Variants in EFNA2 observed in about 807,000 individuals in gnomAD.
EFNA2 encodes ephrin A2, also known as ephrin-A2.
Under a neutral mutation model 19.7 loss-of-function variants are expected in EFNA2, and 18 were observed. The observed-to-expected ratio is 0.91, with a 90% CI of 0.63 to 1.35. The LOEUF is 1.35. EFNA2 is among the 40% of genes most tolerant of loss of function. The pLI is 0.00. For synonymous variants in EFNA2, 187 were observed against 137.8 expected, an observed-to-expected ratio of 1.36 and a Z score of -2.50; for missense variants, 303 against 296.0, an observed-to-expected ratio of 1.02 and a Z score of -0.17.
chr19:1,292,849 C>T (rs1047230674), intron 1 of EFNA2, among the ~76,000 whole-genome samples: 6 of 152,162 alleles, frequency 3.9e-5, no homozygotes, highest in African/African-American at 1.4e-4. Flanking sequence ...GGCCCGGGCA[C>T]CTGGCCGCTC....
Position 1,286,264 on chromosome 19 carries a change from C to T in EFNA2, c.96C>T (p.Ala32=). Residue 32 remains alanine, a synonymous_variant, in exon 1 of 4, where the codon GCC becomes GCT. Transcript: ENST00000215368. The surrounding 1 kb of genome is among the most constrained non-coding windows in gnomAD (Gnocchi z 5.6). ...PFARAEDAAR[A]NSDRYAVYWN... is the part of the protein sequence containing the mutation. ...CGCGCGCCGAGGACGCCGCCCGCGCCAACTCGGACCGCTACGCCGTCTACT... is the reference window on the plus strand; with the variant it reads ...CGCGCGCCGAGGACGCCGCCCGCGCTAACTCGGACCGCTACGCCGTCTACT... 1.8e-6 allele frequency: 2 copies of T among 1,120,406 alleles called. No homozygotes were observed. The highest frequency in any genetic ancestry group is 2.2e-6 in the Non-Finnish European group (2 of 903,302). The allele number at this position is 1,120,406 out of a possible 1,614,324, so 69.4% of individuals were successfully genotyped here. A position where few individuals can be genotyped will look rare whatever the true frequency, so the allele number is the denominator to read the frequency against.
chr19:1,289,249 G>A (rs2081480522), intron 1 of EFNA2, among the ~76,000 whole-genome samples: 1 of 152,270 alleles, frequency 6.6e-6, no homozygotes, highest in African/African-American at 2.4e-5. Flanking sequence ...GCGTTTGCAT[G>A]TGCGTGCCCT....
rs1051783963 is a variant in EFNA2 at position 1,286,084 on chromosome 19, TCGGCGGCGG to T, written c.-72_-64del. 2 of 347,062 alleles carry T rather than the reference TCGGCGGCGG, an allele frequency of 5.8e-6. No individual in the cohort carries two copies. The highest frequency in any genetic ancestry group is 8.0e-6 in the Non-Finnish European group (2 of 251,416). The allele number at this position is 347,062 out of a possible 1,614,324, so 21.5% of individuals were successfully genotyped here. A position where few individuals can be genotyped will look rare whatever the true frequency, so the allele number is the denominator to read the frequency against. ...TCCCGCCCGCCCTCCGCCCGCCCGC[TCGGCGGCGG>T]CGGCGGCGGCGGAGGAGGCGGAGAA... On this transcript the variant is annotated 5_prime_UTR_variant, in exon 1 of 4. Coordinates refer to ENST00000215368, the MANE Select transcript of EFNA2 (RefSeq NM_001405.4). The surrounding 1 kb of genome is among the most constrained non-coding windows in gnomAD (Gnocchi z 5.6).
chr19:1,299,859 A>G lies in EFNA2; in HGVS notation c.556A>G (p.Thr186Ala). 6.2e-7 allele frequency: 1 copy of G among 1,604,768 alleles called. No individual in the cohort carries two copies. The highest frequency in any genetic ancestry group is 8.5e-7 in the Non-Finnish European group (1 of 1,178,002). ...TLYEAPEPIF[T>A]SNNSCSSPGG... Reference sequence around the variant, plus strand: ...GTACGAGGCTCCTGAGCCCATCTTCACCAGCAATAACTCGTGTAGCAGCCC... The same window carrying G: ...GTACGAGGCTCCTGAGCCCATCTTCGCCAGCAATAACTCGTGTAGCAGCCC... Residue 186 changes from threonine (T) to alanine (A), a missense_variant, in exon 4 of 4, where the codon ACC (threonine) becomes GCC (alanine). Thr to Ala is a moderately conservative substitution (Grantham distance 58). Transcript: ENST00000215368.
intron 2 of EFNA2, 62 bp from the exon 3 acceptor site, chr19:1,298,489 C>G: frequency 6.4e-7 from 1 of 1,565,596 alleles, no homozygotes; most frequent in African/African-American, 1.4e-5. Flanking sequence ...GGGAGTACAG[C>G]CCCAGGAGGT....
rs1425381984 is a variant in EFNA2, at chr19:1,294,177, G to T, written c.141-1368G>T. Among the ~76,000 whole-genome samples, 1 of 152,206 alleles carries T rather than the reference G, an allele frequency of 6.6e-6. No individual in the cohort carries two copies. The highest frequency in any genetic ancestry group is 6.5e-5 in the Admixed American group (1 of 15,288). ...TGTGGGGGACCCCCCATTCCTCCCT[G>T]TTCAGGTCTTTTATGTGCTAATAAG... On this transcript the variant is annotated intron_variant, in intron 1 of 3. Coordinates refer to ENST00000215368, the MANE Select transcript of EFNA2 (RefSeq NM_001405.4). The surrounding 1 kb of genome is among the most constrained non-coding windows in gnomAD (Gnocchi z 5.8).
Position 1,298,634 on chromosome 19 carries a change from T to C in EFNA2, c.520+18T>C. On this transcript the variant is annotated intron_variant, in intron 3 of 3. Coordinates refer to ENST00000215368, the MANE Select transcript of EFNA2 (RefSeq NM_001405.4). ...GCCGACCAGTAAGTGCTCAGGGGGA[T>C]GGGCAGGATCCAGGCCCCCACCCCT... 6.2e-7 allele frequency: 1 copy of C among 1,613,238 alleles called. No individual in the cohort carries two copies. The highest frequency in any genetic ancestry group is 8.5e-7 in the Non-Finnish European group (1 of 1,179,726).
chr19:1,296,971 C>G lies in EFNA2; in HGVS notation c.454+1113C>G, dbSNP rs1013394564. Among the ~76,000 whole-genome samples the G allele has an allele frequency of 6.6e-6, 1 of 152,220 alleles. No homozygotes were observed. Among genetic ancestry groups the G allele is most frequent in the African/African-American group, 2.4e-5 (1 of 41,456 alleles). Reference sequence around the variant, plus strand: ...AAAGGCCAACGGCAGGTGGGGAACACAGCAGCGCCAGCCGGAGTCCCAGTC... The same window carrying G: ...AAAGGCCAACGGCAGGTGGGGAACAGAGCAGCGCCAGCCGGAGTCCCAGTC... On this transcript the variant is annotated intron_variant, in intron 2 of 3. Coordinates refer to ENST00000215368, the MANE Select transcript of EFNA2 (RefSeq NM_001405.4). This position sits in a 1 kb window ranked among gnomAD's most constrained non-coding sequence, Gnocchi z 4.4.
At position 1,297,698 on chromosome 19, in the gene EFNA2, T is replaced by C. The variant is rs764440018; in HGVS notation, c.455-853T>C. Among the ~76,000 whole-genome samples, 3 of 152,124 alleles carry C rather than the reference T, an allele frequency of 2.0e-5. No individual in the cohort carries two copies. The highest frequency in any genetic ancestry group is 4.4e-5 in the Non-Finnish European group (3 of 68,002). On this transcript the variant is annotated intron_variant, in intron 2 of 3. Coordinates refer to ENST00000215368, the MANE Select transcript of EFNA2 (RefSeq NM_001405.4). This position sits in a 1 kb window ranked among gnomAD's most constrained non-coding sequence, Gnocchi z 5.0. ...TCTTGATCCTTGCAGACGCCCCCAC[T>C]GCACTCCAGGATGCTTCTGGGGGCC...
At position 1,299,664 on chromosome 19, in the gene EFNA2, C is replaced by A. The variant is rs139201348; in HGVS notation, c.521-160C>A. Among the ~76,000 whole-genome samples the A allele has an allele frequency of 4.0e-4, 61 of 151,938 alleles. 1 individual carries two copies. In the East Asian group the frequency reaches 0.012, roughly 29 times the overall value. On this transcript the variant is annotated intron_variant, in intron 3 of 3. Transcript: ENST00000215368. ...CCACTTCAGGCCAAGTGACTTTGCC[C>A]GGAGAGTGGGCATCGGGGATGGCAC...
rs1392360849 is a variant in EFNA2, at chr19:1,299,876, T to C, written c.573T>C (p.Cys191=). 2.0e-5 allele frequency: 32 copies of C among 1,604,676 alleles called. No homozygotes were observed. Among genetic ancestry groups the C allele is most frequent in the Non-Finnish European group, 2.4e-5 (28 of 1,178,062 alleles). The part of the protein sequence containing the change: ...PEPIFTSNNS[C]SSPGGCRLFL... ...CCATCTTCACCAGCAATAACTCGTG[T>C]AGCAGCCCGGGCGGCTGCCGCCTCT... The change falls in exon 4 of 4, where the codon TGT becomes TGC. Residue 191 remains cysteine (C), a synonymous_variant. Coordinates refer to ENST00000215368, the MANE Select transcript of EFNA2 (RefSeq NM_001405.4).
At chr19:1,298,191 C>T (rs1600061699) in intron 2 of EFNA2, among the ~76,000 whole-genome samples, 4 of 151,792 alleles carry the variant, frequency 2.6e-5, no homozygotes, top group South Asian at 4.2e-4. Context: ...GATTTGAACC[C>T]AGGTCAATCA....
intron 3 of EFNA2, 101 bp from the exon 4 acceptor site, chr19:1,299,723 A>G: frequency 7.0e-7 from 1 of 1,438,106 alleles, no homozygotes; most frequent in Non-Finnish European, 9.2e-7. Flanking sequence ...TGGTGGGGTG[A>G]TGAGCCCGTT....
intron 1 of EFNA2, among the ~76,000 whole-genome samples, chr19:1,293,956 C>T (rs575275293): frequency 8.5e-5 from 13 of 152,356 alleles, no homozygotes; most frequent in Admixed American, 8.5e-4. Flanking sequence ...CCCTCTCTCT[C>T]GAGCTGCTGT....
In EFNA2 at chr19:1,286,344, C is replaced by A. The variant is rs2081464597; in HGVS notation, c.140+36C>A. 2.6e-5 allele frequency: 25 copies of A among 974,452 alleles called. No individual in the cohort carries two copies. The highest frequency in any genetic ancestry group is 2.9e-5 in the Non-Finnish European group (24 of 821,704). 60.4% of individuals were successfully genotyped at this position (974,452 alleles called of 1,614,324 possible). On this transcript the variant is annotated intron_variant, in intron 1 of 3. Coordinates refer to ENST00000215368, the MANE Select transcript of EFNA2 (RefSeq NM_001405.4). This position sits in a 1 kb window ranked among gnomAD's most constrained non-coding sequence, Gnocchi z 5.6. Reference sequence around the variant, plus strand: ...CCGCGCGCGGGGGGCGCCCGGGGACCCCCCAACGCCCCCCAAGCCGCGCCC... The same window carrying A: ...CCGCGCGCGGGGGGCGCCCGGGGACACCCCAACGCCCCCCAAGCCGCGCCC...
Position 1,294,346 on chromosome 19 carries a change from C to T in EFNA2, c.141-1199C>T, listed in dbSNP as rs1367099317. ...AGGGAAGGGGAGCCGCCGGTCCCTT[C>T]CTCGGCTGATCTCTATCCTCACAGA... On this transcript the variant is annotated intron_variant, in intron 1 of 3. Coordinates refer to ENST00000215368, the MANE Select transcript of EFNA2 (RefSeq NM_001405.4). This position sits in a 1 kb window ranked among gnomAD's most constrained non-coding sequence, Gnocchi z 5.8. Among the ~76,000 whole-genome samples, 1 of 152,210 alleles carries T rather than the reference C, an allele frequency of 6.6e-6. No individual in the cohort carries two copies. The highest frequency in any genetic ancestry group is 2.4e-5 in the African/African-American group (1 of 41,450).
Position 1,300,235 on chromosome 19 carries a change from T to G in EFNA2, c.*290T>G. ...GGGCGTCGGAGAACCCGGGAACCTC[T>G]TGGCGATTTTTTTTTTTTTTTTTTT... is the stretch of plus-strand genomic sequence containing the variant. On this transcript the variant is annotated 3_prime_UTR_variant, in exon 4 of 4. Transcript: ENST00000215368. 5.3e-6 allele frequency: 1 copy of G among 187,132 alleles called. No homozygotes were observed. The allele number at this position is 187,132 out of a possible 1,614,324, so 11.6% of individuals were successfully genotyped here. A position where few individuals can be genotyped will look rare whatever the true frequency, so the allele number is the denominator to read the frequency against.
rs1336309908 is a variant in EFNA2, at chr19:1,294,907, T to C, written c.141-638T>C. Among the ~76,000 whole-genome samples, 2 of 151,914 alleles carry C rather than the reference T, an allele frequency of 1.3e-5. No homozygotes were observed. Among genetic ancestry groups the C allele is most frequent in the Non-Finnish European group, 2.9e-5 (2 of 67,970 alleles). Reference sequence around the variant, plus strand: ...GAGGAGGCGGCACAGATGTTAAGCATGTTAGGTAGATGCGAAGTTTCTGGA... The same window carrying C: ...GAGGAGGCGGCACAGATGTTAAGCACGTTAGGTAGATGCGAAGTTTCTGGA... On this transcript the variant is annotated intron_variant, in intron 1 of 3. Transcript: ENST00000215368. This position sits in a 1 kb window ranked among gnomAD's most constrained non-coding sequence, Gnocchi z 5.8.
At chr19:1,284,588 G>A (rs1272044395), upstream of EFNA2, among the ~76,000 whole-genome samples, 1 of 152,234 alleles carries the variant, frequency 6.6e-6, no homozygotes, top group African/African-American at 2.4e-5. This position sits in a 1 kb window ranked among gnomAD's most constrained non-coding sequence, Gnocchi z 5.3. Context: ...GGCCCGCTGG[G>A]GAATCGGGGG....
Sources: gnomAD v4.1 joint callset for allele counts (sites outside exome capture counted in the v4.1 genomes callset) on GRCh38, gnomAD v4.1.1 for gene constraint, Gnocchi (gnomAD v3.1) non-coding constraint, MANE v1.5 for transcripts, NCBI Gene and HGNC (gene_info 2026-07-23, HGNC 2026-07-21) for gene names.